GABRQ: variants seen among roughly 807,000 people sequenced by gnomAD.
GABRQ encodes the protein gamma-aminobutyric acid receptor subunit theta.
A neutral mutation model predicts 30.5 loss-of-function variants in GABRQ; 19 were observed. The ratio of observed to expected loss-of-function variants is 0.62; its 90% CI spans 0.43 to 0.91. The LOEUF (loss-of-function observed/expected upper bound fraction) is 0.91, where lower values mean the gene tolerates loss of function less well. GABRQ is among the 40% of genes least tolerant of loss of function. The pLI, the probability that GABRQ is intolerant of heterozygous loss-of-function variation, is 0.00. For synonymous variants in GABRQ, 187 were observed against 210.2 expected (o/e 0.89, Z 0.95); for missense variants, 520 against 521.4 (o/e 1.00, Z 0.03).
intron 2 of GABRQ, among the ~76,000 whole-genome samples, chrX:152,644,029 T>TAACATGCTCACACGTGCA (rs1556818791): frequency 9.0e-6 from 1 of 111,678 alleles, no homozygotes; most frequent in African/African-American, 3.3e-5. Flanking sequence ...TCACACACTT[T>TAACATGCTCACACGTGCA]AACATGCTCA....
chrX:152,658,089 G>A (rs1412472848), downstream of GABRQ, among the ~76,000 whole-genome samples: 1 of 112,217 alleles, frequency 8.9e-6, no homozygotes, highest in Non-Finnish European at 1.9e-5. Flanking sequence ...GGTTGGGAAA[G>A]GAGGTTAAAA....
Position 152,654,017 on chromosome X carries a change from G to C in GABRQ, c.*736G>C, listed in dbSNP as rs1055093431. The C allele has an allele frequency of 1.8e-5, 2 of 111,797 alleles. No homozygotes were observed. The highest frequency in any genetic ancestry group is 9.5e-5 in the Admixed American group (1 of 10,552). The allele number at this position is 111,797 out of a possible 1,213,427, so 9.2% of individuals were successfully genotyped here. ...TCAGCTTGTGGGGTTGGCAGAGGGT[G>C]GGGGGTGATGTCAGGTTGGAAATTA... On this transcript the variant is annotated 3_prime_UTR_variant, in exon 9 of 9. Coordinates refer to ENST00000598523, the MANE Select transcript of GABRQ (RefSeq NM_018558.4).
At chrX:152,640,170 T>G (rs781863289) in intron 1 of GABRQ, among the ~76,000 whole-genome samples, 6 of 103,664 alleles carry the variant, frequency 5.8e-5, no homozygotes, top group South Asian at 4.4e-4. Context: ...GCTGGGAAGG[T>G]GGGGGGGGGA....
At chrX:152,651,478 G>A (rs1556820173) in intron 7 of GABRQ, 48 bp from the exon 8 acceptor site, 1 of 1,151,233 alleles carries the variant, frequency 8.7e-7, no homozygotes, top group East Asian at 3.0e-5. Flanking sequence ...AGGTTGCCAA[G>A]AACGTTAGCC....
In GABRQ at chrX:152,638,001, C is replaced by G. The variant is rs782724592; in HGVS notation, c.-202C>G. Among the ~76,000 whole-genome samples, 1 of 113,056 alleles carries G rather than the reference C, an allele frequency of 8.8e-6. No individual in the cohort carries two copies. Among genetic ancestry groups the G allele is most frequent in the African/African-American group, 3.2e-5 (1 of 31,244 alleles). ...CTGCTGGGTGGTTGCTCCTCCCGGG[C>G]TCTCATCTCCGGTATCCGGGCCGAC... On this transcript the variant is annotated 5_prime_UTR_variant, in exon 1 of 9. Coordinates refer to ENST00000598523, the MANE Select transcript of GABRQ (RefSeq NM_018558.4).
intron 4 of GABRQ, 30 bp from the exon 5 acceptor site, chrX:152,649,221 T>C: frequency 2.9e-6 from 3 of 1,018,349 alleles, no homozygotes; most frequent in Non-Finnish European, 4.2e-6. Context: ...CTTCACTCAC[T>C]TTCTCCTTCC....
At chrX:152,639,716 TG>T (rs1298585513) in intron 1 of GABRQ, among the ~76,000 whole-genome samples, 3 of 111,477 alleles carry the variant, frequency 2.7e-5, no homozygotes, top group Non-Finnish European at 5.7e-5. Flanking sequence ...GAATCTGAAA[TG>T]GTTTGGTTGG....
At chrX:152,641,601 TCCGAA>T (rs1556818433) in intron 2 of GABRQ, among the ~76,000 whole-genome samples, 2 of 111,783 alleles carry the variant, frequency 1.8e-5, no homozygotes, top group Non-Finnish European at 3.8e-5. Context: ...CCTTGCTCCC[TCCGAA>T]GTGTGAGAGC....
At chrX:152,641,486 G>A (rs5925192) in intron 2 of GABRQ, among the ~76,000 whole-genome samples, 21 of 111,712 alleles carry the variant, frequency 1.9e-4, no homozygotes, top group Non-Finnish European at 2.8e-4. Context: ...CGGCCCTTGC[G>A]GTAGACCAGT....
At chrX:152,640,202 C>T (rs186638506) in intron 1 of GABRQ, among the ~76,000 whole-genome samples, 176 bp from the exon 2 acceptor site, 1 of 110,298 alleles carries the variant, frequency 9.1e-6, no homozygotes, top group Non-Finnish European at 1.9e-5. Context: ...TCTGCGTCAC[C>T]GCTGCGCTTC....
At chrX:152,640,173 G>GT (rs1265930486) in intron 1 of GABRQ, among the ~76,000 whole-genome samples, 3 of 110,597 alleles carry the variant, frequency 2.7e-5, no homozygotes, top group Non-Finnish European at 3.8e-5. Context: ...GGGAAGGTGG[G>GT]GGGGGGAGGA....
chrX:152,641,037 G>C (rs1434064739), intron 2 of GABRQ, among the ~76,000 whole-genome samples: 2 of 111,347 alleles, frequency 1.8e-5, no homozygotes, highest in Non-Finnish European at 3.8e-5. Flanking sequence ...ACTTTTAATG[G>C]TTTTATCTAA....
chrX:152,648,140 C>T (rs782008564), intron 4 of GABRQ, among the ~76,000 whole-genome samples: 46 of 111,295 alleles, frequency 4.1e-4, no homozygotes, highest in South Asian at 7.7e-4. Flanking sequence ...CACACGTGCA[C>T]GCGCACACCA....
chrX:152,653,381 G>T lies in GABRQ; in HGVS notation c.*100G>T. On this transcript the variant is annotated 3_prime_UTR_variant, in exon 9 of 9. Coordinates refer to ENST00000598523, the MANE Select transcript of GABRQ (RefSeq NM_018558.4). ...TTTCCTTTGTTCCTTTTATTTTGTG[G>T]TTATTTGGGCAATCCAATAAGTTCA... 2 of 613,045 alleles carry T rather than the reference G, an allele frequency of 3.3e-6. No individual in the cohort carries two copies. The highest frequency in any genetic ancestry group is 5.1e-6 in the Non-Finnish European group (2 of 391,391). 50.5% of individuals were successfully genotyped at this position (613,045 alleles called of 1,213,427 possible).
Position 152,657,033 on chromosome X carries a change from A to G in GABRQ, c.*3752A>G, listed in dbSNP as rs782802258. The G allele has an allele frequency of 8.9e-6, 1 of 111,933 alleles. No homozygotes were observed. The highest frequency in any genetic ancestry group is 1.9e-5 in the Non-Finnish European group (1 of 53,206). The allele number at this position is 111,933 out of a possible 1,213,427, so 9.2% of individuals were successfully genotyped here. ...GTTCAGGGTCACTTCTATTGACTCA[A>G]TTTGTGTGAGACTTTGCACTCACTA... On this transcript the variant is annotated 3_prime_UTR_variant, in exon 9 of 9. Transcript: ENST00000598523.
intron 1 of GABRQ, 36 bp downstream of exon 1, chrX:152,638,387 C>T: frequency 8.4e-7 from 1 of 1,186,187 alleles, no homozygotes; most frequent in South Asian, 1.8e-5. Context: ...ACGGCGGGGA[C>T]GGGAATGGAG....
chrX:152,650,835 T>C (rs1014956593), intron 7 of GABRQ, among the ~76,000 whole-genome samples: 2 of 111,445 alleles, frequency 1.8e-5, no homozygotes, highest in Non-Finnish European at 3.8e-5. Flanking sequence ...CCAGAATTCA[T>C]TATTTCTTGA....
At chrX:152,657,543 C>A (rs1931172777), downstream of GABRQ, 1 of 111,926 alleles carries the variant, frequency 8.9e-6, no homozygotes, top group South Asian at 3.7e-4. Flanking sequence ...AAGTACTCTA[C>A]CAGGTCATCG....
intron 4 of GABRQ, among the ~76,000 whole-genome samples, chrX:152,648,578 A>C (rs1930944654): frequency 9.1e-6 from 1 of 109,969 alleles, no homozygotes; most frequent in African/African-American, 3.3e-5. Flanking sequence ...GTTAGCCAGG[A>C]TGGTCTCCAT....
Sources: gnomAD v4.1 joint callset for allele counts (sites outside exome capture counted in the v4.1 genomes callset) on GRCh38, gnomAD v4.1.1 for gene constraint, MANE v1.5 for transcripts, NCBI Gene and HGNC (gene_info 2026-07-23, HGNC 2026-07-21) for gene names.